Variants in TIPARP observed in about 807,000 individuals in gnomAD.
TIPARP encodes the protein TCDD inducible poly(ADP-ribose) polymerase.
Under a neutral mutation model 56.5 loss-of-function variants are expected in TIPARP, and 12 were observed. That is an observed-to-expected ratio of 0.21 (90% CI 0.14 to 0.34). The LOEUF (loss-of-function observed/expected upper bound fraction) is 0.34. TIPARP is among the 10% of genes least tolerant of loss of function. The probability of loss-of-function intolerance (pLI) is 1.00; values close to 1 mark genes in which losing one functional copy is unlikely to be tolerated. For synonymous variants in TIPARP, 296 were observed against 265.7 expected (o/e 1.11, Z -1.11); for missense variants, 604 against 781.6 (o/e 0.77, Z 2.71).
chr3:156,685,703 A>G (rs1292716704), intron 2 of TIPARP, among the ~76,000 whole-genome samples: 2 of 152,216 alleles, frequency 1.3e-5, no homozygotes, highest in Non-Finnish European at 2.9e-5. Flanking sequence ...GAATTAATTG[A>G]AGAATTCTTA....
rs1434155675 is a variant in TIPARP at position 156,705,083 on chromosome 3, T to C, written c.1926T>C (p.Pro642=). The C allele has an allele frequency of 6.2e-7, 1 of 1,611,490 alleles. No individual in the cohort carries two copies. The highest frequency in any genetic ancestry group is 8.5e-7 in the Non-Finnish European group (1 of 1,179,178). Residue 642 remains proline, a synonymous_variant, in exon 6 of 6, where the codon CCT becomes CCC. Coordinates refer to ENST00000295924, the MANE Select transcript of TIPARP (RefSeq NM_015508.5). ...FVIFNDDQSY[P]YFVIQYEEVS... ...TTTTTAATGATGACCAGAGTTACCC[T>C]TATTTTGTTATCCAATATGAAGAAG...
At chr3:156,697,639 G>C (rs1722748180) in intron 4 of TIPARP, among the ~76,000 whole-genome samples, 1 of 152,098 alleles carries the variant, frequency 6.6e-6, no homozygotes, top group Admixed American at 6.6e-5. Context: ...TATTAGTGCT[G>C]TATTTTCAAC....
rs149704962 is a variant in TIPARP at position 156,692,539 on chromosome 3, T to C, written c.918-1481T>C. 1.3e-3 allele frequency among the ~76,000 whole-genome samples: 204 copies of C among 152,244 alleles called. 1 individual carries two copies. Among genetic ancestry groups the C allele is most frequent in the African/African-American group, 4.5e-3 (186 of 41,568 alleles). On this transcript the variant is annotated intron_variant, in intron 2 of 5. Transcript: ENST00000295924. ...GTTTTTGAGACCATATCCAACTAGT[T>C]AGTACTCTTACTAAGCAAGAAGTTT...
intron 2 of TIPARP, among the ~76,000 whole-genome samples, chr3:156,680,539 A>T (rs1005257975): frequency 5.9e-5 from 9 of 152,170 alleles, no homozygotes; most frequent in Non-Finnish European, 1.3e-4. Flanking sequence ...CAGTCTGCTG[A>T]GTACTTCAGC....
At chr3:156,701,291 C>T (rs1410012248) in intron 4 of TIPARP, among the ~76,000 whole-genome samples, 3 of 152,170 alleles carry the variant, frequency 2.0e-5, no homozygotes, top group East Asian at 1.9e-4. Context: ...TTTTATGGAA[C>T]GGGTCCATAG....
chr3:156,680,383 C>T (rs182106954), intron 2 of TIPARP, among the ~76,000 whole-genome samples: 86 of 152,230 alleles, frequency 5.6e-4, no homozygotes, highest in African/African-American at 2.0e-3. Flanking sequence ...TCCAAAATCT[C>T]TGTTGCCCAT....
intron 2 of TIPARP, among the ~76,000 whole-genome samples, chr3:156,679,311 T>C (rs896376304): frequency 3.0e-4 from 45 of 152,200 alleles, no homozygotes; most frequent in African/African-American, 1.0e-3. Flanking sequence ...GTACACAAGA[T>C]GTGTGTATAC....
At chr3:156,686,028 AG>A (rs1421953172) in intron 2 of TIPARP, among the ~76,000 whole-genome samples, 2 of 152,230 alleles carry the variant, frequency 1.3e-5, no homozygotes, top group Non-Finnish European at 2.9e-5. Flanking sequence ...AGTAAAAATT[AG>A]CACAGGATAA....
At chr3:156,692,373 A>C (rs1397649097) in intron 2 of TIPARP, among the ~76,000 whole-genome samples, 1 of 151,990 alleles carries the variant, frequency 6.6e-6, no homozygotes, top group Non-Finnish European at 1.5e-5. Context: ...TGTTTGTTTC[A>C]CTTTTTAGGA....
chr3:156,685,939 T>A (rs1722418062), intron 2 of TIPARP, among the ~76,000 whole-genome samples: 1 of 152,220 alleles, frequency 6.6e-6, no homozygotes, highest in African/African-American at 2.4e-5. Context: ...CAAAATACTC[T>A]AAATAATTTC....
At chr3:156,686,507 G>A (rs1224137664) in intron 2 of TIPARP, among the ~76,000 whole-genome samples, 1 of 152,170 alleles carries the variant, frequency 6.6e-6, no homozygotes, top group African/African-American at 2.4e-5. Flanking sequence ...CAAATCTCTA[G>A]TCTGCTGAAA....
chr3:156,692,181 A>T (rs1200099736), intron 2 of TIPARP, among the ~76,000 whole-genome samples: 1 of 152,104 alleles, frequency 6.6e-6, no homozygotes, highest in Non-Finnish European at 1.5e-5. Context: ...TTAAAGGGGG[A>T]AAAATATGTT....
At chr3:156,674,976 A>G (rs1371419991) in intron 1 of TIPARP, 180 bp downstream of exon 1, 2 of 152,400 alleles carry the variant, frequency 1.3e-5, no homozygotes, top group East Asian at 1.9e-4. Flanking sequence ...TCCCGTCAGC[A>G]TGAAGATGGA....
intron 4 of TIPARP, among the ~76,000 whole-genome samples, chr3:156,699,928 G>A (rs904350020): frequency 2.0e-4 from 31 of 152,266 alleles, no homozygotes; most frequent in African/African-American, 7.2e-4. Flanking sequence ...CTACCCTAGA[G>A]TGTGGGGCTG....
Position 156,705,214 on chromosome 3 carries a change from G to GA in TIPARP, c.*85dup. ...TTTTGAATGGGTGGGACTGGGTGGG[G>GA]AACAGCATTGGACATTAATAGGGCA... On this transcript the variant is annotated 3_prime_UTR_variant, in exon 6 of 6. Transcript: ENST00000295924. 2.1e-6 allele frequency: 1 copy of GA among 479,656 alleles called. No individual in the cohort carries two copies. Among genetic ancestry groups the GA allele is most frequent in the South Asian group, 1.8e-5 (1 of 55,284 alleles). 29.7% of individuals were successfully genotyped at this position (479,656 alleles called of 1,614,324 possible). A position where few individuals can be genotyped will look rare whatever the true frequency, so the allele number is the denominator to read the frequency against.
Position 156,678,337 on chromosome 3 carries a change from A to C in TIPARP, c.640A>C (p.Lys214Gln). The C allele has an allele frequency of 6.2e-7, 1 of 1,614,254 alleles. No homozygotes were observed. Among genetic ancestry groups the C allele is most frequent in the Non-Finnish European group, 8.5e-7 (1 of 1,180,044 alleles). The stretch of plus-strand genomic sequence containing the variant: ...GCTGAGTACTGAGCTCTTTCAGGAC[A>C]AAAGTGAAGAGGCTTCCCTTGACCT... ...DKLSTELFQD[K>Q]SEEASLDLVF... The change falls in exon 2 of 6, where the codon AAA becomes CAA. Residue 214 changes from lysine to glutamine, a missense_variant. By Grantham distance (53) the Lys-to-Gln change is moderately conservative (BLOSUM62 1). Transcript: ENST00000295924.
In TIPARP at chr3:156,702,019, CGGTGGTGGTGGT is replaced by C. The variant is rs67188281; in HGVS notation, c.1248-1362_1248-1351del. Among the ~76,000 whole-genome samples the C allele has an allele frequency of 6.1e-3, 602 of 98,628 alleles. 5 individuals are homozygous for C. The highest frequency in any genetic ancestry group is 0.034 in the South Asian group (82 of 2,434). 64.7% of individuals were successfully genotyped at this position (98,628 alleles called of 152,430 possible). A position where few individuals can be genotyped will look rare whatever the true frequency, so the allele number is the denominator to read the frequency against. Reference sequence around the variant, plus strand: ...AAAAGACTGTGTGTTGATGATAATGCGGTGGTGGTGGTGGTGGTGGTGGTGGTGGTGGTGGTG... The same window carrying C: ...AAAAGACTGTGTGTTGATGATAATGCGGTGGTGGTGGTGGTGGTGGTGGTG... On this transcript the variant is annotated intron_variant, in intron 4 of 5. Coordinates refer to ENST00000295924, the MANE Select transcript of TIPARP (RefSeq NM_015508.5).
Position 156,677,893 on chromosome 3 carries a change from T to C in TIPARP, c.196T>C (p.Ser66Pro). Reference protein sequence around the residue: ...LRPILNTLLESGSLDGVFRSR... With the variant: ...LRPILNTLLEPGSLDGVFRSR... ...GCCAATATTAAACACTCTTCTAGAATCTGGCTCACTTGATGGGGTTTTTAG... is the reference window on the plus strand; with the variant it reads ...GCCAATATTAAACACTCTTCTAGAACCTGGCTCACTTGATGGGGTTTTTAG... Residue 66 changes from serine (S) to proline (P), a missense_variant, in exon 2 of 6, where the codon TCT becomes CCT. Ser to Pro is a moderately conservative substitution (Grantham distance 74). This residue lies in a region of TIPARP where 261 missense variants were observed against 279.2 expected (regional missense o/e 0.93). Coordinates refer to ENST00000295924, the MANE Select transcript of TIPARP (RefSeq NM_015508.5). 6.2e-7 allele frequency: 1 copy of C among 1,614,102 alleles called. No individual in the cohort carries two copies.
chr3:156,681,132 C>T (rs1208486404), intron 2 of TIPARP: 1 of 456,398 alleles, frequency 2.2e-6, no homozygotes, highest in Non-Finnish European at 4.4e-6. Context: ...CAACAAGATG[C>T]AGATAACGGC....
Sources: gnomAD v4.1 joint callset for allele counts (sites outside exome capture counted in the v4.1 genomes callset) on GRCh38, gnomAD v4.1.1 for gene constraint, gnomAD v4.1.1 regional missense constraint, MANE v1.5 for transcripts, NCBI Gene and HGNC (gene_info 2026-07-23, HGNC 2026-07-21) for gene names.